ATXN1: variants seen among roughly 807,000 people sequenced by gnomAD.
ATXN1 encodes the protein ataxin 1, also known as ataxin-1.
A neutral mutation model predicts 56.4 loss-of-function variants in ATXN1; 8 were observed. That is an observed-to-expected ratio of 0.14 (90% CI 0.08 to 0.26). The LOEUF (loss-of-function observed/expected upper bound fraction) is 0.26, where lower values mean the gene tolerates loss of function less well. Among genes scored for constraint, ATXN1 ranks in the 10% least tolerant of loss-of-function variants. The pLI is 1.00. For missense variants in ATXN1, 987 were observed against 1,106.5 expected (o/e 0.89, Z 1.53); for synonymous variants, 514 against 494.6 (o/e 1.04, Z -0.52).
rs572985903 is a variant in ATXN1 at position 16,624,116 on chromosome 6, C to T, written c.-489+33660G>A. Among the ~76,000 whole-genome samples the T allele has an allele frequency of 9.7e-4, 148 of 152,060 alleles. 2 individuals carry two copies. The highest frequency in any genetic ancestry group is 1.2e-3 in the South Asian group (6 of 4,820). ...CTGTAATCCCAGCACTTTGGGAGGC[C>T]GAGGTGGGCAGATCACCTGAGGTCA... On this transcript the variant is annotated intron_variant, in intron 3 of 7. Transcript: ENST00000436367.
At chr6:16,665,227 A>C (rs1044611166) in intron 2 of ATXN1, among the ~76,000 whole-genome samples, 1 of 152,236 alleles carries the variant, frequency 6.6e-6, no homozygotes, top group African/African-American at 2.4e-5. Context: ...TGGAATCTGA[A>C]GCATAGAAAT....
At chr6:16,437,171 G>C (rs755887054) in intron 6 of ATXN1, among the ~76,000 whole-genome samples, 2 of 152,168 alleles carry the variant, frequency 1.3e-5, no homozygotes, top group African/African-American at 2.4e-5. Flanking sequence ...TGGTTTGAAG[G>C]CATCAACAAA....
chr6:16,586,960 G>C (rs1762637545), intron 3 of ATXN1, among the ~76,000 whole-genome samples: 1 of 151,966 alleles, frequency 6.6e-6, no homozygotes, highest in Non-Finnish European at 1.5e-5. Flanking sequence ...AGAGTTTGCA[G>C]TGAGCTGAGA....
intron 5 of ATXN1, among the ~76,000 whole-genome samples, chr6:16,520,769 G>A (rs545047971): frequency 9.2e-5 from 14 of 152,276 alleles, no homozygotes; most frequent in African/African-American, 3.4e-4. Context: ...CAGTTCTAAT[G>A]AATGCTAACT....
chr6:16,572,030 T>C (rs1402455851), intron 4 of ATXN1, among the ~76,000 whole-genome samples: 1 of 152,184 alleles, frequency 6.6e-6, no homozygotes, highest in East Asian at 1.9e-4. Flanking sequence ...AGTCATGTTT[T>C]AGATATGCCA....
At chr6:16,703,220 C>T (rs1287179428) in intron 2 of ATXN1, among the ~76,000 whole-genome samples, 1 of 152,034 alleles carries the variant, frequency 6.6e-6, no homozygotes, top group Non-Finnish European at 1.5e-5. Flanking sequence ...TCTCAGCAAA[C>T]TATCGCAAGG....
chr6:16,628,894 C>G (rs1414711883), intron 3 of ATXN1, among the ~76,000 whole-genome samples: 1 of 152,088 alleles, frequency 6.6e-6, no homozygotes, highest in African/African-American at 2.4e-5. Context: ...GATTCTGTGT[C>G]TTTGCTACTG....
At chr6:16,690,365 C>G (rs561427935) in intron 2 of ATXN1, among the ~76,000 whole-genome samples, 5 of 151,672 alleles carry the variant, frequency 3.3e-5, no homozygotes, top group African/African-American at 1.2e-4. Flanking sequence ...GCTGTTATTC[C>G]TCCTCCACTG....
At chr6:16,523,664 G>A (rs947139405) in intron 4 of ATXN1, among the ~76,000 whole-genome samples, 3 of 152,160 alleles carry the variant, frequency 2.0e-5, no homozygotes, top group Non-Finnish European at 2.9e-5. Flanking sequence ...GCAGTGATCT[G>A]TATGTAATTA....
intron 2 of ATXN1, among the ~76,000 whole-genome samples, chr6:16,743,112 A>G (rs1245589512): frequency 6.6e-6 from 1 of 152,258 alleles, no homozygotes; most frequent in Non-Finnish European, 1.5e-5. Flanking sequence ...GAAATTCAGT[A>G]GGAATTTTTT....
At chr6:16,631,606 T>C (rs533199138) in intron 3 of ATXN1, among the ~76,000 whole-genome samples, 1 of 152,328 alleles carries the variant, frequency 6.6e-6, no homozygotes, top group African/African-American at 2.4e-5. Context: ...ATACCTGTCT[T>C]GCCACTCCTC....
chr6:16,717,312 G>A (rs923634240), intron 2 of ATXN1, among the ~76,000 whole-genome samples: 1 of 152,218 alleles, frequency 6.6e-6, no homozygotes, highest in Non-Finnish European at 1.5e-5. Context: ...AGCAGGCAAT[G>A]ACTGACATGT....
intron 6 of ATXN1, among the ~76,000 whole-genome samples, chr6:16,348,002 A>AACCC (rs1293694745): frequency 2.6e-5 from 4 of 152,222 alleles, no homozygotes; most frequent in Non-Finnish European, 4.4e-5. Flanking sequence ...TGAGACCATG[A>AACCC]ACCCACAGGG....
At chr6:16,340,375 C>T (rs950163946) in intron 6 of ATXN1, among the ~76,000 whole-genome samples, 7 of 152,204 alleles carry the variant, frequency 4.6e-5, no homozygotes, top group South Asian at 2.1e-4. Flanking sequence ...CTGAGGTTCG[C>T]GTGAGCTTCC....
At chr6:16,436,842 C>T (rs1461130957) in intron 6 of ATXN1, among the ~76,000 whole-genome samples, 1 of 152,096 alleles carries the variant, frequency 6.6e-6, no homozygotes, top group Non-Finnish European at 1.5e-5. Flanking sequence ...TACATTTTCA[C>T]CAGTTCATGC....
At chr6:16,400,795 G>A (rs1374106601) in intron 6 of ATXN1, among the ~76,000 whole-genome samples, 2 of 152,158 alleles carry the variant, frequency 1.3e-5, no homozygotes, top group Non-Finnish European at 2.9e-5. Flanking sequence ...GGAGCTTCGG[G>A]AATTACAAGC....
intron 6 of ATXN1, among the ~76,000 whole-genome samples, chr6:16,411,493 A>G (rs936785824): frequency 5.9e-5 from 9 of 152,302 alleles, no homozygotes; most frequent in African/African-American, 2.2e-4. Context: ...ATATCTGATT[A>G]TATTAATAGC....
intron 3 of ATXN1, among the ~76,000 whole-genome samples, chr6:16,613,092 C>T (rs1426347466): frequency 2.0e-5 from 3 of 148,952 alleles, no homozygotes; most frequent in Admixed American, 6.6e-5. Flanking sequence ...GGTGAAACCC[C>T]GTCTCTACTA....
intron 3 of ATXN1, among the ~76,000 whole-genome samples, chr6:16,601,588 C>T (rs1408780139): frequency 2.6e-5 from 4 of 152,170 alleles, no homozygotes; most frequent in Admixed American, 6.5e-5. Flanking sequence ...CAGTGGCTCA[C>T]GCCTGTAATC....
Sources: gnomAD v4.1 joint callset for allele counts (sites outside exome capture counted in the v4.1 genomes callset) on GRCh38, gnomAD v4.1.1 for gene constraint, MANE v1.5 for transcripts, NCBI Gene and HGNC (gene_info 2026-07-23, HGNC 2026-07-21) for gene names.